BMS1: variants seen among roughly 807,000 people sequenced by gnomAD.
BMS1 encodes the protein ribosome biogenesis protein BMS1 homolog.
A neutral mutation model predicts 138.7 loss-of-function variants in BMS1; 53 were observed. The observed-to-expected ratio is 0.38, with a 90% CI of 0.31 to 0.48. The LOEUF (loss-of-function observed/expected upper bound fraction) is 0.48. Among genes scored for constraint, BMS1 ranks in the 20% least tolerant of loss-of-function variants. The pLI is 0.97. For synonymous variants in BMS1, 504 were observed against 539.9 expected (o/e 0.93, Z 0.92); for missense variants, 1,360 against 1,565.5 (o/e 0.87, Z 2.22).
At chr10:42,790,757 T>C (rs192099780) in intron 5 of BMS1, among the ~76,000 whole-genome samples, 1 of 151,526 alleles carries the variant, frequency 6.6e-6, no homozygotes, top group Non-Finnish European at 1.5e-5. Context: ...GGCTGAGAAG[T>C]GAGAATTGCT....
At chr10:42,809,921 G>C (rs185439210) in intron 13 of BMS1, among the ~76,000 whole-genome samples, 1 of 151,816 alleles carries the variant, frequency 6.6e-6, no homozygotes, top group East Asian at 1.9e-4. Flanking sequence ...ACGTAGCTGG[G>C]ACTACAAGTG....
intron 21 of BMS1, among the ~76,000 whole-genome samples, chr10:42,825,765 C>T (rs1842620276): frequency 1.3e-5 from 2 of 152,042 alleles, no homozygotes; most frequent in Non-Finnish European, 2.9e-5. Context: ...AATTTAGTTG[C>T]CTTTTTTTTC....
chr10:42,821,108 T>G, intron 18 of BMS1, 116 bp downstream of exon 18: 1 of 875,790 alleles, frequency 1.1e-6, no homozygotes, highest in Non-Finnish European at 1.8e-6. Context: ...TAATACAAAG[T>G]AAATTTCCCT....
intron 13 of BMS1, among the ~76,000 whole-genome samples, chr10:42,810,375 A>G (rs1215958022): frequency 6.6e-6 from 1 of 152,156 alleles, no homozygotes; most frequent in Non-Finnish European, 1.5e-5. Flanking sequence ...GTGTTGTTGG[A>G]TTCCATTTAT....
chr10:42,801,238 C>T (rs1841868764), intron 12 of BMS1, among the ~76,000 whole-genome samples: 1 of 152,204 alleles, frequency 6.6e-6, no homozygotes, highest in African/African-American at 2.4e-5. Context: ...AGTTCACATA[C>T]AGGACTACAT....
chr10:42,822,598 G>A (rs764969055), intron 19 of BMS1, among the ~76,000 whole-genome samples: 52 of 152,184 alleles, frequency 3.4e-4, no homozygotes, highest in Non-Finnish European at 6.9e-4. Context: ...ACAGAGAAAC[G>A]GATATACTGT....
At position 42,820,311 on chromosome 10, in the gene BMS1, G is replaced by A. The variant is rs771571475; in HGVS notation, c.2656G>A (p.Val886Ile). Residue 886 changes from valine (V) to isoleucine (I), a missense_variant, in exon 16 of 23, where the codon GTC (valine) becomes ATC (isoleucine). By Grantham distance (29) the Val-to-Ile change is conservative (BLOSUM62 3). Around this residue, in one of 3 missense-constraint regions of BMS1, gnomAD observed 425 missense variants for 568.3 expected, o/e 0.75. Coordinates refer to ENST00000374518, the MANE Select transcript of BMS1 (RefSeq NM_014753.4). ...TGAGGGTTTTCGACCTGGGATGTAC[G>A]TCCGCATTGAGATTGAAAATGTTCC... is the stretch of plus-strand genomic sequence containing the variant. Reference protein sequence around the residue: ...QYEGFRPGMYVRIEIENVPCE... With the variant: ...QYEGFRPGMYIRIEIENVPCE... 2.4e-5 allele frequency: 39 copies of A among 1,613,576 alleles called. No homozygotes were observed. Among genetic ancestry groups the A allele is most frequent in the Middle Eastern group, 1.6e-4 (1 of 6,078 alleles).
rs1400769884 is a variant in BMS1, at chr10:42,796,612, G to A, written c.1368G>A (p.Leu456=). 4.3e-6 allele frequency: 7 copies of A among 1,614,058 alleles called. No homozygotes were observed. Among genetic ancestry groups the A allele is most frequent in the Non-Finnish European group, 5.9e-6 (7 of 1,180,030 alleles). The part of the protein sequence containing the change: ...EDDEMSEDDG[L]ENGSSDEEAE... ...ATGAAATGTCTGAAGATGACGGGTT[G>A]GAAAACGGCTCTAGTGATGAGGAAG... Residue 456 remains leucine, a synonymous_variant, in exon 10 of 23, where the codon TTG becomes TTA. Transcript: ENST00000374518.
intron 13 of BMS1, among the ~76,000 whole-genome samples, chr10:42,805,464 A>T (rs1297417724): frequency 6.6e-6 from 1 of 152,144 alleles, no homozygotes; most frequent in Admixed American, 6.6e-5. Context: ...GTTTTGGTTA[A>T]TCTAGGTTCT....
At chr10:42,801,262 C>A (rs1841869265) in intron 12 of BMS1, among the ~76,000 whole-genome samples, 2 of 152,180 alleles carry the variant, frequency 1.3e-5, no homozygotes, top group Admixed American at 6.5e-5. Context: ...ACTCATTCTT[C>A]CACTGGAGAA....
chr10:42,828,007 T>G (rs1284896626), intron 21 of BMS1, among the ~76,000 whole-genome samples: 4 of 152,230 alleles, frequency 2.6e-5, no homozygotes, highest in Non-Finnish European at 4.4e-5. Context: ...AAGCTTTTTA[T>G]TGAAATGTTA....
intron 21 of BMS1, among the ~76,000 whole-genome samples, chr10:42,830,028 G>T (rs540259640): frequency 2.0e-4 from 30 of 152,074 alleles, no homozygotes; most frequent in Admixed American, 6.5e-4. Context: ...GTGGGTTTTG[G>T]GGGGAGAGTT....
chr10:42,785,132 C>T (rs9326544), intron 2 of BMS1, among the ~76,000 whole-genome samples: 71,793 of 151,976 alleles, frequency 0.47, 17,680 homozygotes, highest in East Asian at 0.64. Context: ...CTCTTATCTG[C>T]TATGATGTAC....
chr10:42,792,550 G>T lies in BMS1; in HGVS notation c.837G>T (p.Lys279Asn), dbSNP rs746228011. Residue 279 changes from lysine (K) to asparagine (N), a missense_variant, in exon 7 of 23, where the codon AAG becomes AAT. Lys to Asn is a moderately conservative substitution (Grantham distance 94, BLOSUM62 0). Transcript: ENST00000374518. The stretch of plus-strand genomic sequence containing the variant: ...GAACAAACATCAAATGTGACCGGAA[G>T]GTGTCACTTTATGGTTATTTAAGAG... Reference protein sequence around the residue: ...DIRTNIKCDRKVSLYGYLRGA... With the variant: ...DIRTNIKCDRNVSLYGYLRGA... The T allele has an allele frequency of 1.9e-6, 3 of 1,611,626 alleles. No homozygotes were observed. Among genetic ancestry groups the T allele is most frequent in the Admixed American group, 1.7e-5 (1 of 60,012 alleles).
intron 1 of BMS1, 135 bp from the exon 2 acceptor site, chr10:42,784,227 T>C (rs965176341): frequency 3.2e-5 from 19 of 587,096 alleles, no homozygotes; most frequent in Middle Eastern, 9.4e-4. Context: ...GGTTAAGCAG[T>C]TTCTACCCTT....
intron 13 of BMS1, among the ~76,000 whole-genome samples, chr10:42,812,334 C>G (rs1215751057): frequency 6.6e-6 from 1 of 152,162 alleles, no homozygotes; most frequent in Non-Finnish European, 1.5e-5. Flanking sequence ...TTTGGAGAGA[C>G]AAAGCCTTGC....
At chr10:42,821,988 A>C in intron 18 of BMS1, 74 bp from the exon 19 acceptor site, 1 of 1,402,618 alleles carries the variant, frequency 7.1e-7, no homozygotes, top group South Asian at 1.2e-5. Flanking sequence ...TTGGTAATTT[A>C]TTGTGTCACA....
intron 21 of BMS1, among the ~76,000 whole-genome samples, 167 bp from the exon 22 acceptor site, chr10:42,830,094 G>A (rs1348379293): frequency 6.6e-6 from 1 of 152,118 alleles, no homozygotes; most frequent in East Asian, 1.9e-4. Flanking sequence ...GTCCACTGAG[G>A]CAGTTCATAT....
intron 13 of BMS1, among the ~76,000 whole-genome samples, chr10:42,808,673 A>G (rs971110760): frequency 6.6e-6 from 1 of 151,942 alleles, no homozygotes; most frequent in African/African-American, 2.4e-5. Flanking sequence ...TACACCCATG[A>G]TCTATTTTGA....
Sources: gnomAD v4.1 joint callset for allele counts (sites outside exome capture counted in the v4.1 genomes callset) on GRCh38, gnomAD v4.1.1 for gene constraint, gnomAD v4.1.1 regional missense constraint, MANE v1.5 for transcripts, NCBI Gene and HGNC (gene_info 2026-07-23, HGNC 2026-07-21) for gene names.